The following RAB23 variants were observed in gnomAD, a reference collection of about 807,000 sequenced individuals.
RAB23 encodes the protein RAB23, member RAS oncogene family, also known as ras-related protein Rab-23.
RAB23 carries 15 observed loss-of-function variants against 30.0 expected under a neutral mutation model. The observed-to-expected ratio is 0.50, with a 90% CI of 0.33 to 0.77. RAB23 has a LOEUF of 0.77. Among genes scored for constraint, RAB23 ranks in the 30% least tolerant of loss-of-function variants. RAB23 has a pLI of 0.02. For synonymous variants in RAB23, 93 were observed against 94.0 expected (o/e 0.99, Z 0.06); for missense variants, 243 against 275.4 (o/e 0.88, Z 0.83).
intron 6 of RAB23, 112 bp downstream of exon 6, chr6:57,193,730 C>A: frequency 7.1e-7 from 1 of 1,400,004 alleles, no homozygotes; most frequent in Non-Finnish European, 9.7e-7. Flanking sequence ...AAATCACTGA[C>A]TTAATAGTTT....
chr6:57,217,135 A>C (rs1055684007), intron 1 of RAB23, among the ~76,000 whole-genome samples: 8 of 151,988 alleles, frequency 5.3e-5, no homozygotes, highest in Non-Finnish European at 1.2e-4. Context: ...AAGATAAAAC[A>C]GGGAAATCTC....
rs138217647 is a variant in RAB23 at position 57,193,887 on chromosome 6, T to G, written c.529A>C (p.Ile177Leu). The change falls in exon 6 of 7, where the codon ATA becomes CTA. Residue 177 changes from isoleucine to leucine, a missense_variant. Physicochemically the swap from Ile to Leu is conservative, Grantham distance 5. Coordinates refer to ENST00000468148, the MANE Select transcript of RAB23 (RefSeq NM_016277.5). ...EKYLQKLKQQ[I>L]AEDPELTHSS... ...TGCGTTAGTTCTGGATCCTCAGCTA[T>G]TTGTTGTTTGAGTTTCTGAAGGTAT... 60 of 1,612,898 alleles carry G rather than the reference T, an allele frequency of 3.7e-5. No individual in the cohort carries two copies. Among genetic ancestry groups the G allele is most frequent in the Non-Finnish European group, 5.1e-5 (60 of 1,179,352 alleles).
Position 57,194,827 on chromosome 6 carries a change from T to C in RAB23, c.424A>G (p.Arg142Gly). The change falls in exon 5 of 7, where the codon AGG becomes GGG. Residue 142 changes from arginine to glycine, a missense_variant. Physicochemically the swap from Arg to Gly is moderately radical, Grantham distance 125. Coordinates refer to ENST00000468148, the MANE Select transcript of RAB23 (RefSeq NM_016277.5). ...GTTCTGTAGAATCTTAACTTTAACCTTTTTGCCAGTGCCTCAGCTTCCTCA... is the reference window on the plus strand; with the variant it reads ...GTTCTGTAGAATCTTAACTTTAACCCTTTTGCCAGTGCCTCAGCTTCCTCA... ...KNEEAEALAK[R>G]LKLRFYRTSV... 1 of 1,613,286 alleles carries C rather than the reference T, an allele frequency of 6.2e-7. No homozygotes were observed. Among genetic ancestry groups the C allele is most frequent in the South Asian group, 1.1e-5 (1 of 91,028 alleles).
chr6:57,215,831 A>AT (rs1765815981), intron 1 of RAB23, among the ~76,000 whole-genome samples: 1 of 152,228 alleles, frequency 6.6e-6, no homozygotes, highest in African/African-American at 2.4e-5. Context: ...GGTGTTCAAT[A>AT]TATGTAGGAA....
At chr6:57,198,383 G>A (rs967249065) in intron 3 of RAB23, among the ~76,000 whole-genome samples, 42 of 152,146 alleles carry the variant, frequency 2.8e-4, no homozygotes, top group Middle Eastern at 6.8e-3. Context: ...GTGTGGTGGC[G>A]GGTGCCTGTA....
intron 2 of RAB23, among the ~76,000 whole-genome samples, chr6:57,208,699 C>G (rs1338235881): frequency 6.7e-6 from 1 of 149,544 alleles, no homozygotes; most frequent in Non-Finnish European, 1.5e-5. Context: ...AAAATTTACT[C>G]TATTTTGTCA....
At chr6:57,209,001 A>C (rs1765549771) in intron 2 of RAB23, among the ~76,000 whole-genome samples, 1 of 152,220 alleles carries the variant, frequency 6.6e-6, no homozygotes, top group African/African-American at 2.4e-5. Flanking sequence ...TTTTTCTGTA[A>C]GGCACATCAT....
chr6:57,198,337 AC>A (rs1328637935), intron 3 of RAB23, among the ~76,000 whole-genome samples: 3 of 152,070 alleles, frequency 2.0e-5, no homozygotes, highest in Admixed American at 2.0e-4. Flanking sequence ...ACACGGTGAA[AC>A]CCCGTCTCTA....
intron 2 of RAB23, 129 bp from the exon 3 acceptor site, chr6:57,207,842 T>A: frequency 1.5e-6 from 1 of 664,270 alleles, no homozygotes; most frequent in Non-Finnish European, 2.6e-6. Context: ...TATGATGGGT[T>A]GTCCCAATAA....
chr6:57,195,762 A>T (rs992519377), intron 4 of RAB23, among the ~76,000 whole-genome samples: 1 of 152,202 alleles, frequency 6.6e-6, no homozygotes, highest in African/African-American at 2.4e-5. Flanking sequence ...CCTAGCCAAC[A>T]TCTCAACTGC....
chr6:57,215,314 TA>T (rs143112082), intron 1 of RAB23, among the ~76,000 whole-genome samples: 18 of 152,290 alleles, frequency 1.2e-4, no homozygotes, highest in African/African-American at 4.1e-4. Flanking sequence ...AGAAGCTGAG[TA>T]AATCCCAAAC....
chr6:57,208,975 T>C (rs564622066), intron 2 of RAB23, among the ~76,000 whole-genome samples: 7 of 152,204 alleles, frequency 4.6e-5, no homozygotes, highest in Admixed American at 2.6e-4. Flanking sequence ...GAACAAAGCT[T>C]ATCTAACATA....
At chr6:57,203,000 G>GTCTTTTTT (rs1765322223) in intron 3 of RAB23, among the ~76,000 whole-genome samples, 1 of 82,598 alleles carries the variant, frequency 1.2e-5, no homozygotes, top group Admixed American at 1.5e-4. Flanking sequence ...AAGATAGGCT[G>GTCTTTTTT]TTTTTTTTTT....
intron 4 of RAB23, 45 bp downstream of exon 4, chr6:57,196,405 T>C (rs375576493): frequency 6.2e-7 from 1 of 1,609,654 alleles, no homozygotes; most frequent in Admixed American, 1.7e-5. Context: ...ATGTCTTAAC[T>C]TTATAGAATT....
chr6:57,206,275 A>T (rs1200271973), intron 3 of RAB23, among the ~76,000 whole-genome samples: 1 of 152,132 alleles, frequency 6.6e-6, no homozygotes, highest in Non-Finnish European at 1.5e-5. Context: ...GGTCATATTT[A>T]AAAAGTGGTA....
chr6:57,210,450 G>T lies in RAB23; in HGVS notation c.-65-5C>A. ...ATCAGATCTTCCCTCTCAAATCTGT[G>T]GTTTAAAATGAAATTATTTTTTCAT... On this transcript the variant is annotated splice_region_variant and splice_polypyrimidine_tract_variant and intron_variant, in intron 1 of 6. Transcript: ENST00000468148. 6.8e-7 allele frequency: 1 copy of T among 1,472,188 alleles called. No individual in the cohort carries two copies. Among genetic ancestry groups the T allele is most frequent in the South Asian group, 1.2e-5 (1 of 86,302 alleles). 91.2% of individuals were successfully genotyped at this position (1,472,188 alleles called of 1,614,324 possible).
chr6:57,211,468 A>G (rs1251412271), intron 1 of RAB23, among the ~76,000 whole-genome samples: 1 of 152,120 alleles, frequency 6.6e-6, no homozygotes, highest in Non-Finnish European at 1.5e-5. Context: ...TCTAAAAAAA[A>G]TTAAAATAAA....
At position 57,207,706 on chromosome 6, in the gene RAB23, C is replaced by T. The variant is rs1194580937; in HGVS notation, c.163G>A (p.Asp55Asn). Residue 55 changes from aspartate (D) to asparagine (N), a missense_variant, in exon 3 of 7, where the codon GAT (aspartate) becomes AAT (asparagine). Physicochemically the swap from Asp to Asn is conservative, Grantham distance 23. Transcript: ENST00000468148. The part of the protein sequence containing the change: ...DFLERQIQVN[D>N]EDVRLMLWDT... ...CATAACATTAGTCTGACATCTTCAT[C>T]ATTAACTCTAAAACAAGAGATGAAT... The T allele has an allele frequency of 6.3e-7, 1 of 1,590,646 alleles. No homozygotes were observed. Among genetic ancestry groups the T allele is most frequent in the African/African-American group, 1.3e-5 (1 of 74,364 alleles).
intron 1 of RAB23, among the ~76,000 whole-genome samples, chr6:57,216,855 C>T (rs1238061147): frequency 4.4e-5 from 6 of 137,716 alleles, no homozygotes; most frequent in African/African-American, 1.0e-4. Context: ...TAAATTGTCA[C>T]GGTGCTGATG....
Sources: gnomAD v4.1 joint callset for allele counts (sites outside exome capture counted in the v4.1 genomes callset) on GRCh38, gnomAD v4.1.1 for gene constraint, MANE v1.5 for transcripts, NCBI Gene and HGNC (gene_info 2026-07-23, HGNC 2026-07-21) for gene names.